PRELID2: variants seen among roughly 807,000 people sequenced by gnomAD.
The protein encoded by PRELID2 is PRELI domain-containing protein 2.
A neutral mutation model predicts 28.4 loss-of-function variants in PRELID2; 25 were observed. The observed-to-expected ratio is 0.88, with a 90% CI of 0.64 to 1.23. The LOEUF (loss-of-function observed/expected upper bound fraction) is 1.23, where lower values mean the gene tolerates loss of function less well. Ranked by LOEUF, PRELID2 falls within the 50% of genes most tolerant of loss-of-function variation. The pLI is 0.00. For synonymous variants in PRELID2, 76 were observed against 71.6 expected, an observed-to-expected ratio of 1.06 and a Z score of -0.31; for missense variants, 201 against 214.4, an observed-to-expected ratio of 0.94 and a Z score of 0.39.
chr5:145,267,063 A>G, the PRELID2 span, among the ~76,000 whole-genome samples: 1 of 152,098 alleles, frequency 6.6e-6, no homozygotes, highest in Non-Finnish European at 1.5e-5. Context: ...CACAATCACA[A>G]GGTCCCACAA....
chr5:145,494,975 A>G (rs1349694359), intron 1 of PRELID2, among the ~76,000 whole-genome samples: 1 of 152,208 alleles, frequency 6.6e-6, no homozygotes, highest in Non-Finnish European at 1.5e-5. Flanking sequence ...ATATGTCTTC[A>G]GCAGTAGAAA....
chr5:145,741,581 AATTTATATATAAAATTTATTTATAATTT>A lies in PRELID2; in HGVS notation n.70+23322_70+23349del, dbSNP rs1561568076. ...TTATATATAAAATTTATTTATAAAT[AATTTATATATAAAATTTATTTATAATTT>A]ATTTATATATAAATAATTTATTTAT... On this transcript the variant is annotated intron_variant and non_coding_transcript_variant, in intron 1 of 2. Coordinates refer to the PRELID2 transcript ENST00000510259. Among the ~76,000 whole-genome samples, 3 of 8,096 alleles carry A rather than the reference AATTTATATATAAAATTTATTTATAATTT, an allele frequency of 3.7e-4. 1 individual carries two copies. The highest frequency in any genetic ancestry group is 1.3e-3 in the Non-Finnish European group (2 of 1,560). The allele number at this position is 8,096 out of a possible 152,430, so 5.3% of individuals were successfully genotyped here. A position where few individuals can be genotyped will look rare whatever the true frequency, so the allele number is the denominator to read the frequency against.
At chr5:145,492,182 A>T (rs934050244) in intron 1 of PRELID2, among the ~76,000 whole-genome samples, 1 of 152,118 alleles carries the variant, frequency 6.6e-6, no homozygotes, top group Non-Finnish European at 1.5e-5. Flanking sequence ...TTTTCTCCAC[A>T]TTATCTCCAA....
the PRELID2 span, among the ~76,000 whole-genome samples, chr5:145,421,175 G>A: frequency 6.6e-6 from 1 of 151,564 alleles, no homozygotes; most frequent in Non-Finnish European, 1.5e-5. Context: ...GTTCATCAAG[G>A]ATATTGGTCT....
chr5:145,798,236 ACAT>A (rs1192620601), intron 4 of PRELID2, among the ~76,000 whole-genome samples: 1 of 152,156 alleles, frequency 6.6e-6, no homozygotes, highest in East Asian at 1.9e-4. Context: ...GACTTATAAG[ACAT>A]CATCAAACAG....
rs146092735 is a variant in PRELID2 at position 145,615,829 on chromosome 5, A to T, written n.71-142514T>A. On this transcript the variant is annotated intron_variant and non_coding_transcript_variant, in intron 1 of 2. Transcript: ENST00000510259. ...TTTTAAATTTCATTTTCATTTTACA[A>T]GTCCTGTAAGATTTATGCTTTAAAG... 2.7e-3 allele frequency among the ~76,000 whole-genome samples: 412 copies of T among 152,268 alleles called. 2 individuals are homozygous for T. Among genetic ancestry groups the T allele is most frequent in the African/African-American group, 9.6e-3 (397 of 41,556 alleles).
intron 1 of PRELID2, among the ~76,000 whole-genome samples, chr5:145,643,550 T>A (rs1318818362): frequency 3.3e-5 from 5 of 152,240 alleles, no homozygotes; most frequent in African/African-American, 4.8e-5. Context: ...CAATAATATG[T>A]TCAATAGGAG....
the PRELID2 span, among the ~76,000 whole-genome samples, chr5:145,396,344 T>A: frequency 6.6e-6 from 1 of 152,118 alleles, no homozygotes; most frequent in Non-Finnish European, 1.5e-5. Context: ...AATATTTTGA[T>A]GTTTTATTAT....
the PRELID2 span, among the ~76,000 whole-genome samples, chr5:145,348,820 T>C: frequency 5.3e-5 from 8 of 152,134 alleles, no homozygotes; most frequent in African/African-American, 1.9e-4. Context: ...TGTATGTGTA[T>C]GTTAAAATGT....
chr5:145,676,171 G>T (rs965629170), intron 1 of PRELID2, among the ~76,000 whole-genome samples: 11 of 139,372 alleles, frequency 7.9e-5, no homozygotes, highest in African/African-American at 3.0e-4. Flanking sequence ...GGTGAGCCCA[G>T]ATCGCACCAT....
intron 1 of PRELID2, among the ~76,000 whole-genome samples, chr5:145,494,071 G>A (rs1752289638): frequency 6.6e-6 from 1 of 152,154 alleles, no homozygotes; most frequent in Non-Finnish European, 1.5e-5. Context: ...CATTTTACAA[G>A]CATATCTCAT....
At chr5:145,712,450 A>C (rs1755720071) in intron 1 of PRELID2, among the ~76,000 whole-genome samples, 1 of 152,188 alleles carries the variant, frequency 6.6e-6, no homozygotes, top group South Asian at 2.1e-4. Flanking sequence ...AAATGCTGTA[A>C]GCCAAGACTT....
At chr5:145,806,141 ATAAAT>A (rs1321903157) in intron 4 of PRELID2, among the ~76,000 whole-genome samples, 1 of 152,154 alleles carries the variant, frequency 6.6e-6, no homozygotes, top group Non-Finnish European at 1.5e-5. Context: ...TTTTTCAATA[ATAAAT>A]TAAACTTAGA....
chr5:145,628,752 T>A (rs148893744), intron 1 of PRELID2, among the ~76,000 whole-genome samples: 1 of 152,178 alleles, frequency 6.6e-6, no homozygotes, highest in African/African-American at 2.4e-5. Flanking sequence ...GAGCATTTTA[T>A]GGGCAGAAAA....
chr5:145,307,077 T>C, the PRELID2 span, among the ~76,000 whole-genome samples: 64 of 152,350 alleles, frequency 4.2e-4, no homozygotes, highest in African/African-American at 1.5e-3. Context: ...AATTGTCACA[T>C]AGGGCATTAA....
chr5:145,817,193 AAAAAAATAAATAAATAAAT>A (rs1280803779), intron 4 of PRELID2, among the ~76,000 whole-genome samples: 1 of 84,614 alleles, frequency 1.2e-5, no homozygotes, highest in Non-Finnish European at 2.8e-5. Context: ...TGCATTTCAA[AAAAAAATAAATAAATAAAT>A]AAAAAAAAAT....
the PRELID2 span, among the ~76,000 whole-genome samples, chr5:145,431,447 C>A: frequency 2.0e-5 from 3 of 152,098 alleles, no homozygotes; most frequent in Non-Finnish European, 4.4e-5. Context: ...TTTTCCCCAT[C>A]AAATACTTAC....
the PRELID2 span, among the ~76,000 whole-genome samples, chr5:145,300,816 G>C: frequency 1.4e-5 from 2 of 147,712 alleles, no homozygotes; most frequent in African/African-American, 5.0e-5. Flanking sequence ...CCACCACCTA[G>C]ACACAAAGTT....
intron 1 of PRELID2, among the ~76,000 whole-genome samples, chr5:145,705,353 G>A (rs1297270153): frequency 6.7e-6 from 1 of 149,816 alleles, no homozygotes; most frequent in African/African-American, 2.5e-5. Flanking sequence ...ACTATGCCCA[G>A]CTAATTTTTG....
Sources: gnomAD v4.1 joint callset for allele counts (sites outside exome capture counted in the v4.1 genomes callset) on GRCh38, gnomAD v4.1.1 for gene constraint, MANE v1.5 for transcripts, NCBI Gene and HGNC (gene_info 2026-07-23, HGNC 2026-07-21) for gene names.